Variants in JADE2 observed in about 807,000 individuals in gnomAD.
JADE2 encodes E3 ubiquitin-protein ligase Jade-2.
A neutral mutation model predicts 85.7 loss-of-function variants in JADE2; 13 were observed. The observed-to-expected ratio is 0.15, with a 90% confidence interval of 0.10 to 0.24. The LOEUF is 0.24. JADE2 is among the 10% of genes least tolerant of loss of function. The pLI is 1.00. For missense variants in JADE2, 846 were observed against 1,115.9 expected (o/e 0.76, Z 3.45); for synonymous variants, 440 against 456.1 (o/e 0.96, Z 0.45).
intron 3 of JADE2, among the ~76,000 whole-genome samples, chr5:134,538,939 C>CTCGGCTCACT (rs1225966876): frequency 2.0e-4 from 31 of 152,016 alleles, no homozygotes; most frequent in African/African-American, 7.2e-4. Context: ...TCACTTCAAC[C>CTCGGCTCACT]TCTGCCTCCT....
chr5:134,544,396 G>A lies in JADE2; in HGVS notation c.153+6313G>A, dbSNP rs1396716161. 2.4e-5 allele frequency: 4 copies of A among 166,614 alleles called. No homozygotes were observed. In the Admixed American group the frequency reaches 2.6e-4, roughly 11 times the overall value. The allele number at this position is 166,614 out of a possible 1,614,324, so 10.3% of individuals were successfully genotyped here. On this transcript the variant is annotated intron_variant, in intron 3 of 11. Coordinates refer to ENST00000681547, the MANE Select transcript of JADE2 (RefSeq NM_001388185.1). ...GCCAAAACACCCAGGCTTTGCCCGA[G>A]GACATCTGTGACCCCAGGCGAGTGA...
Position 134,525,790 on chromosome 5 carries a change from G to C in JADE2, c.-222G>C. On this transcript the variant is annotated 5_prime_UTR_variant, in exon 1 of 12. Coordinates refer to ENST00000681547, the MANE Select transcript of JADE2 (RefSeq NM_001388185.1). ...CTTTGCGCCCACTCCTAGCGGCACCGGCTTAGGTCCTGCGGGCCGACCGTC... is the reference window on the plus strand; with the variant it reads ...CTTTGCGCCCACTCCTAGCGGCACCCGCTTAGGTCCTGCGGGCCGACCGTC... The C allele has an allele frequency of 4.7e-6, 5 of 1,071,012 alleles. No homozygotes were observed. The highest frequency in any genetic ancestry group is 4.6e-5 in the South Asian group (2 of 43,186). The allele number at this position is 1,071,012 out of a possible 1,614,324, so 66.3% of individuals were successfully genotyped here.
intron 4 of JADE2, among the ~76,000 whole-genome samples, chr5:134,556,252 A>C (rs1762905425): frequency 6.6e-6 from 1 of 152,196 alleles, no homozygotes; most frequent in South Asian, 2.1e-4. Flanking sequence ...CCGAAGCAAT[A>C]ACCATGGCAA....
chr5:134,530,139 A>G (rs574793528), intron 1 of JADE2, among the ~76,000 whole-genome samples: 2 of 152,358 alleles, frequency 1.3e-5, no homozygotes, highest in South Asian at 4.1e-4. Flanking sequence ...GAGAGATAGG[A>G]AAGAGTGGGG....
At chr5:134,571,742 T>C (rs545579587) in intron 9 of JADE2, among the ~76,000 whole-genome samples, 2 of 152,146 alleles carry the variant, frequency 1.3e-5, no homozygotes, top group Non-Finnish European at 2.9e-5. Flanking sequence ...TTGGCCTGGC[T>C]CAGTCAAGCT....
At chr5:134,533,993 G>T (rs1761424684) in intron 1 of JADE2, among the ~76,000 whole-genome samples, 1 of 152,042 alleles carries the variant, frequency 6.6e-6, no homozygotes, top group Non-Finnish European at 1.5e-5. Context: ...AAATCCTCCA[G>T]CCCCGGCCTC....
At chr5:134,556,687 C>A (rs1762950303) in intron 4 of JADE2, among the ~76,000 whole-genome samples, 1 of 122,650 alleles carries the variant, frequency 8.2e-6, no homozygotes, top group Admixed American at 8.3e-5. Context: ...CACACACACA[C>A]ATCACACAAC....
Position 134,525,877 on chromosome 5 carries a change from C to T in JADE2, c.-135C>T, listed in dbSNP as rs966282672. ...CCGGCCGCCTCCCTCGCCGCGACCCCGGATGGATGCGCGCCCCCCGCCCTC... is the reference window on the plus strand; with the variant it reads ...CCGGCCGCCTCCCTCGCCGCGACCCTGGATGGATGCGCGCCCCCCGCCCTC... On this transcript the variant is annotated 5_prime_UTR_variant, in exon 1 of 12. Coordinates refer to ENST00000681547, the MANE Select transcript of JADE2 (RefSeq NM_001388185.1). 1.2e-5 allele frequency: 12 copies of T among 986,954 alleles called. No individual in the cohort carries two copies. Among genetic ancestry groups the T allele is most frequent in the Non-Finnish European group, 1.4e-5 (12 of 831,142 alleles). The allele number at this position is 986,954 out of a possible 1,614,324, so 61.1% of individuals were successfully genotyped here.
rs537403799 is a variant in JADE2, at chr5:134,573,742, T to C, written c.1532T>C (p.Ile511Thr). Residue 511 changes from isoleucine to threonine, a missense_variant, in exon 10 of 12, where the codon ATT becomes ACT. Physicochemically the swap from Ile to Thr is moderately conservative, Grantham distance 89 (BLOSUM62 -1). This residue lies in a region of JADE2 where 119 missense variants were observed against 163.9 expected (regional missense o/e 0.73). Coordinates refer to ENST00000681547, the MANE Select transcript of JADE2 (RefSeq NM_001388185.1). ...ATATTCCACCTGCAGATGAAACTTATTGAACAGGATCTGTGTCGAGGTAGG... is the reference window on the plus strand; with the variant it reads ...ATATTCCACCTGCAGATGAAACTTACTGAACAGGATCTGTGTCGAGGTAGG... Reference protein sequence around the residue: ...EQIFHLQMKLIEQDLCRERSG... With the variant: ...EQIFHLQMKLTEQDLCRERSG... 1.6e-5 allele frequency: 25 copies of C among 1,611,372 alleles called. No individual in the cohort carries two copies. Among genetic ancestry groups the C allele is most frequent in the South Asian group, 9.9e-5 (9 of 91,022 alleles).
At chr5:134,540,451 C>T (rs886656748) in intron 3 of JADE2, among the ~76,000 whole-genome samples, 2 of 147,772 alleles carry the variant, frequency 1.4e-5, no homozygotes, top group African/African-American at 5.0e-5. Context: ...TCAGGCTTGT[C>T]TCAAACTCCT....
intron 3 of JADE2, among the ~76,000 whole-genome samples, chr5:134,546,949 A>C (rs4958189): frequency 0.15 from 22,540 of 152,136 alleles, 1,909 homozygotes; most frequent in African/African-American, 0.22. Flanking sequence ...CCCAGGATGA[A>C]GTGTTCAAAT....
rs1299753764 is a variant in JADE2, at chr5:134,576,879, C to T, written c.1664C>T (p.Ser555Leu). 2 of 1,545,530 alleles carry T rather than the reference C, an allele frequency of 1.3e-6. No homozygotes were observed. Among genetic ancestry groups the T allele is most frequent in the Non-Finnish European group, 8.7e-7 (1 of 1,144,428 alleles). ...GAGAAAGTGAAGGCGGGGCCTGACT[C>T]AGTCCTGGGGCAGCTGGGTGAGTGA... ...KKEKVKAGPDSVLGQLAGLST... is the reference protein window; with the variant it reads ...KKEKVKAGPDLVLGQLAGLST... The change falls in exon 11 of 12, where the codon TCA becomes TTA. Residue 555 changes from serine to leucine, a missense_variant. Coordinates refer to ENST00000681547, the MANE Select transcript of JADE2 (RefSeq NM_001388185.1).
chr5:134,534,408 G>A (rs1345477848), intron 1 of JADE2, among the ~76,000 whole-genome samples: 1 of 152,016 alleles, frequency 6.6e-6, no homozygotes, highest in Non-Finnish European at 1.5e-5. Flanking sequence ...GCACTTTACC[G>A]GCATCTTTGA....
At chr5:134,564,669 C>T (rs1763530085) in intron 8 of JADE2, 59 bp downstream of exon 8, 7 of 1,128,488 alleles carry the variant, frequency 6.2e-6, no homozygotes, top group Admixed American at 2.5e-5. Flanking sequence ...TGCTTGGGGC[C>T]TCAGACAGCA....
intron 4 of JADE2, among the ~76,000 whole-genome samples, chr5:134,557,192 ATTG>A (rs1169531876): frequency 4.0e-5 from 6 of 150,648 alleles, no homozygotes; most frequent in African/African-American, 1.2e-4. Context: ...AGGTATTATT[ATTG>A]TTGTTATTAT....
intron 4 of JADE2, among the ~76,000 whole-genome samples, chr5:134,556,171 C>G (rs1212509365): frequency 1.3e-5 from 2 of 152,234 alleles, no homozygotes; most frequent in Non-Finnish European, 2.9e-5. Flanking sequence ...AGCCTTGCCC[C>G]CGACCCCAGG....
chr5:134,570,743 C>G (rs995835274), intron 9 of JADE2, among the ~76,000 whole-genome samples: 4 of 152,210 alleles, frequency 2.6e-5, no homozygotes, highest in Non-Finnish European at 5.9e-5. Context: ...ACCCCCCTCC[C>G]TCTCTGGCTG....
Position 134,576,817 on chromosome 5 carries a change from G to C in JADE2, c.1602G>C (p.Lys534Asn). 6.4e-7 allele frequency: 1 copy of C among 1,550,650 alleles called. No homozygotes were observed. The highest frequency in any genetic ancestry group is 8.7e-7 in the Non-Finnish European group (1 of 1,146,988). The change falls in exon 11 of 12, where the codon AAG becomes AAC. Residue 534 changes from lysine (K) to asparagine (N), a missense_variant. Coordinates refer to ENST00000681547, the MANE Select transcript of JADE2 (RefSeq NM_001388185.1). ...AKGKKSDSKRKGCEGSKGSTE... is the reference protein window; with the variant it reads ...AKGKKSDSKRNGCEGSKGSTE... ...GCAAGAAGAGTGACTCGAAGAGGAA[G>C]GGCTGCGAGGGCTCCAAGGGCAGCA...
Position 134,579,377 on chromosome 5 carries a change from C to A in JADE2, c.*60C>A. 4 of 1,315,968 alleles carry A rather than the reference C, an allele frequency of 3.0e-6. No individual in the cohort carries two copies. The highest frequency in any genetic ancestry group is 2.8e-5 in the South Asian group (2 of 70,216). The allele number at this position is 1,315,968 out of a possible 1,614,324, so 81.5% of individuals were successfully genotyped here. ...TCCCCCCACAAGGCCTCAGCCCAGT[C>A]ACAACTGCCATTTCCAGTCTCTGCT... On this transcript the variant is annotated 3_prime_UTR_variant, in exon 12 of 12. Transcript: ENST00000681547. This position sits in a 1 kb window ranked among gnomAD's most constrained non-coding sequence, Gnocchi z 4.6.
Sources: gnomAD v4.1 joint callset for allele counts (sites outside exome capture counted in the v4.1 genomes callset) on GRCh38, gnomAD v4.1.1 for gene constraint, gnomAD v4.1.1 regional missense constraint, Gnocchi (gnomAD v3.1) non-coding constraint, MANE v1.5 for transcripts, NCBI Gene and HGNC (gene_info 2026-07-23, HGNC 2026-07-21) for gene names.